EBF3: variants seen among roughly 807,000 people sequenced by gnomAD.
The protein encoded by EBF3 is EBF transcription factor 3.
In EBF3, 18 loss-of-function variants were observed where a neutral mutation model predicts 77.1. The ratio of observed to expected loss-of-function variants is 0.23; its 90% CI spans 0.16 to 0.35. The LOEUF is 0.35. Among genes scored for constraint, EBF3 ranks in the 10% least tolerant of loss-of-function variants. EBF3 has a pLI of 1.00. For synonymous variants in EBF3, 350 were observed against 343.5 expected (o/e 1.02, Z -0.21); for missense variants, 558 against 860.0 (o/e 0.65, Z 4.39).
At position 129,848,602 on chromosome 10, in the gene EBF3, C is replaced by T; in HGVS notation, c.1040-122G>A. On this transcript the variant is annotated intron_variant, in intron 10 of 16. Coordinates refer to ENST00000440978, the MANE Select transcript of EBF3 (RefSeq NM_001375380.1). The surrounding 1 kb of genome is among the most constrained non-coding windows in gnomAD (Gnocchi z 4.4). ...GCTCTGATGCTCTCTAAGGCAAGCA[C>T]CCCTGAATACTAGCTGTGTCTTAAG... The T allele has an allele frequency of 2.1e-6, 2 of 959,260 alleles. No homozygotes were observed. Among genetic ancestry groups the T allele is most frequent in the Admixed American group, 1.8e-5 (1 of 55,224 alleles). 59.4% of individuals were successfully genotyped at this position (959,260 alleles called of 1,614,324 possible). A position where few individuals can be genotyped will look rare whatever the true frequency, so the allele number is the denominator to read the frequency against.
chr10:129,916,237 T>C (rs987787996), intron 6 of EBF3, among the ~76,000 whole-genome samples: 1 of 151,920 alleles, frequency 6.6e-6, no homozygotes, highest in Non-Finnish European at 1.5e-5. Context: ...CTGGCAGGGG[T>C]GAGACCACCA....
In EBF3 at chr10:129,871,285, C is replaced by T. The variant is rs186177619; in HGVS notation, c.781+2167G>A. On this transcript the variant is annotated intron_variant, in intron 8 of 16. Coordinates refer to ENST00000440978, the MANE Select transcript of EBF3 (RefSeq NM_001375380.1). ...AAAGCCTGAGTTCTACTGTGTTGTG[C>T]TGAAAGGGAGAATGGTTGTTTTCCC... is the stretch of plus-strand genomic sequence containing the variant. 9.0e-4 allele frequency among the ~76,000 whole-genome samples: 137 copies of T among 152,194 alleles called. 1 individual carries two copies. The highest frequency in any genetic ancestry group is 3.2e-3 in the African/African-American group (133 of 41,508).
rs1417493657 is a variant in EBF3, at chr10:129,848,132, C to T, written c.1128+260G>A. On this transcript the variant is annotated intron_variant, in intron 11 of 16. Coordinates refer to ENST00000440978, the MANE Select transcript of EBF3 (RefSeq NM_001375380.1). This position sits in a 1 kb window ranked among gnomAD's most constrained non-coding sequence, Gnocchi z 4.4. ...AATATTTGTTATCAGAAAAGCTGTT[C>T]TTTGCTTCCCTTAAAAAGATGGTCC... Among the ~76,000 whole-genome samples the T allele has an allele frequency of 6.6e-6, 1 of 152,216 alleles. No individual in the cohort carries two copies.
At chr10:129,915,871 T>A (rs925082366) in intron 6 of EBF3, among the ~76,000 whole-genome samples, 19 of 152,182 alleles carry the variant, frequency 1.2e-4, no homozygotes, top group African/African-American at 4.1e-4. Context: ...AGAACCTGGC[T>A]CCTTCCCGGG....
chr10:129,885,269 C>A lies in EBF3; in HGVS notation c.555-7420G>T, dbSNP rs577612362. 3.3e-5 allele frequency among the ~76,000 whole-genome samples: 5 copies of A among 152,130 alleles called. No homozygotes were observed. Among genetic ancestry groups the A allele is most frequent in the Non-Finnish European group, 7.3e-5 (5 of 68,028 alleles). On this transcript the variant is annotated intron_variant, in intron 6 of 16. Transcript: ENST00000440978. The surrounding 1 kb of genome is among the most constrained non-coding windows in gnomAD (Gnocchi z 4.0). Reference sequence around the variant, plus strand: ...AATATCCCCTTCCAGAACAGATCCCCGCCAAGTCCTCCGTTTGGAGAAATT... The same window carrying A: ...AATATCCCCTTCCAGAACAGATCCCAGCCAAGTCCTCCGTTTGGAGAAATT...
chr10:129,839,325 C>A, intron 15 of EBF3, 130 bp from the exon 16 acceptor site: 1 of 413,550 alleles, frequency 2.4e-6, no homozygotes, highest in South Asian at 1.9e-5. Context: ...ATGACGGCCA[C>A]TTAATTTAAG....
intron 8 of EBF3, among the ~76,000 whole-genome samples, chr10:129,869,875 A>G (rs1852292352): frequency 6.6e-6 from 1 of 152,124 alleles, no homozygotes; most frequent in Non-Finnish European, 1.5e-5. Context: ...TCCGAATGAC[A>G]TTTGCTTTTC....
intron 6 of EBF3, among the ~76,000 whole-genome samples, chr10:129,923,070 G>T (rs528203684): frequency 6.6e-6 from 1 of 152,148 alleles, no homozygotes; most frequent in Non-Finnish European, 1.5e-5. Context: ...CCACTCTTGC[G>T]CCAAACTGTC....
In EBF3 at chr10:129,836,497, AT is replaced by A. The variant is rs1410410989; in HGVS notation, c.*1445del. On this transcript the variant is annotated 3_prime_UTR_variant, in exon 17 of 17. Transcript: ENST00000440978. The stretch of plus-strand genomic sequence containing the variant: ...GATTTGTCACGGCCGGGTGGCACCG[AT>A]TTGTTTTGACTATACAACAAACTTT... 1 of 152,538 alleles carries A rather than the reference AT, an allele frequency of 6.6e-6. No homozygotes were observed. The highest frequency in any genetic ancestry group is 1.5e-5 in the Non-Finnish European group (1 of 68,022). The allele number at this position is 152,538 out of a possible 1,614,324, so 9.4% of individuals were successfully genotyped here.
chr10:129,935,774 T>G lies in EBF3; in HGVS notation c.554+21484A>C, dbSNP rs990661414. ...GACTAAGCCCATCTGGAGCAGAGCT[T>G]GGCCCTGCCACACCGGGGCCTCAGG... On this transcript the variant is annotated intron_variant, in intron 6 of 16. Transcript: ENST00000440978. The surrounding 1 kb of genome is among the most constrained non-coding windows in gnomAD (Gnocchi z 4.2). Among the ~76,000 whole-genome samples, 1 of 152,186 alleles carries G rather than the reference T, an allele frequency of 6.6e-6. No individual in the cohort carries two copies. The highest frequency in any genetic ancestry group is 6.5e-5 in the Admixed American group (1 of 15,276).
intron 6 of EBF3, among the ~76,000 whole-genome samples, chr10:129,921,104 A>C (rs1344964302): frequency 1.3e-5 from 2 of 152,182 alleles, no homozygotes; most frequent in Non-Finnish European, 2.9e-5. Flanking sequence ...ACACAAAGCA[A>C]ACAAGAGAAA....
At chr10:129,960,593 T>C (rs586329) in intron 4 of EBF3, among the ~76,000 whole-genome samples, 5,347 of 151,708 alleles carry the variant, frequency 0.035, 320 homozygotes, top group African/African-American at 0.12. Flanking sequence ...TTCAGCGCCA[T>C]TGACTCTTTG....
At chr10:129,899,746 A>G (rs548185256) in intron 6 of EBF3, among the ~76,000 whole-genome samples, 48 of 152,320 alleles carry the variant, frequency 3.2e-4, no homozygotes, top group Admixed American at 1.6e-3. Flanking sequence ...AGTCCAGGTG[A>G]CAAGTTCCTA....
intron 6 of EBF3, among the ~76,000 whole-genome samples, chr10:129,942,872 C>A (rs1342908743): frequency 1.3e-5 from 2 of 152,200 alleles, no homozygotes; most frequent in Non-Finnish European, 2.9e-5. Context: ...CAGAAATTTT[C>A]TGTGCAGAAC....
In EBF3 at chr10:129,962,233, A is replaced by G; in HGVS notation, c.356-7T>C. The G allele has an allele frequency of 1.2e-6, 2 of 1,614,068 alleles. No individual in the cohort carries two copies. On this transcript the variant is annotated splice_region_variant and splice_polypyrimidine_tract_variant and intron_variant, in intron 3 of 16. Coordinates refer to ENST00000440978, the MANE Select transcript of EBF3 (RefSeq NM_001375380.1). ...TCTTGCTCTGTTCTGACTCCTGCAA[A>G]AAAACAGAGACAAATTCTCATCAGG...
rs1031067749 is a variant in EBF3, at chr10:129,938,101, C to T, written c.554+19157G>A. 1.3e-5 allele frequency among the ~76,000 whole-genome samples: 2 copies of T among 152,198 alleles called. No individual in the cohort carries two copies. The highest frequency in any genetic ancestry group is 2.9e-5 in the Non-Finnish European group (2 of 68,038). ...GCAAACTGTAAAGAGACCACCATGT[C>T]CTTCAGCAGCACCTGGCAGGAGACT... On this transcript the variant is annotated intron_variant, in intron 6 of 16. Coordinates refer to ENST00000440978, the MANE Select transcript of EBF3 (RefSeq NM_001375380.1). This position sits in a 1 kb window ranked among gnomAD's most constrained non-coding sequence, Gnocchi z 5.1.
chr10:129,854,001 A>C (rs1020914190), intron 10 of EBF3, among the ~76,000 whole-genome samples: 11 of 152,306 alleles, frequency 7.2e-5, no homozygotes, highest in African/African-American at 2.6e-4. Flanking sequence ...TTCAAAAATG[A>C]CTGTATAAAA....
At position 129,944,929 on chromosome 10, in the gene EBF3, C is replaced by G. The variant is rs1236250052; in HGVS notation, c.554+12329G>C. 2.0e-5 allele frequency among the ~76,000 whole-genome samples: 3 copies of G among 150,696 alleles called. No homozygotes were observed. The highest frequency in any genetic ancestry group is 7.4e-5 in the African/African-American group (3 of 40,782). The stretch of plus-strand genomic sequence containing the variant: ...TGATTTTTTAAAAGAAAAACACTGT[C>G]TGAAGTTTAGAATAAACTGTACTTG... On this transcript the variant is annotated intron_variant, in intron 6 of 16. Coordinates refer to ENST00000440978, the MANE Select transcript of EBF3 (RefSeq NM_001375380.1). This position sits in a 1 kb window ranked among gnomAD's most constrained non-coding sequence, Gnocchi z 5.1.
At position 129,861,522 on chromosome 10, in the gene EBF3, A is replaced by C. The variant is rs1851636526; in HGVS notation, c.1039+5619T>G. ...TAGAACCAACCTGATAGAAAAGCAA[A>C]GGTGCCTGGAGGGTGTCTATTCTTG... On this transcript the variant is annotated intron_variant, in intron 10 of 16. Transcript: ENST00000440978. This position sits in a 1 kb window ranked among gnomAD's most constrained non-coding sequence, Gnocchi z 4.3. Among the ~76,000 whole-genome samples, 1 of 144,970 alleles carries C rather than the reference A, an allele frequency of 6.9e-6. No individual in the cohort carries two copies. Among genetic ancestry groups the C allele is most frequent in the South Asian group, 2.4e-4 (1 of 4,252 alleles).
Sources: allele counts gnomAD v4.1 joint callset (sites outside exome capture counted in the v4.1 genomes callset), GRCh38; gene constraint gnomAD v4.1.1; non-coding constraint Gnocchi (gnomAD v3.1); transcripts MANE v1.5; gene names NCBI Gene and HGNC (gene_info 2026-07-23, HGNC 2026-07-21).